PSMD12: variants seen among roughly 807,000 people sequenced by gnomAD.
PSMD12 encodes the protein proteasome 26S subunit, non-ATPase 12, also known as 26S proteasome non-ATPase regulatory subunit 12.
PSMD12 carries 8 observed loss-of-function variants against 62.9 expected under a neutral mutation model. That is an observed-to-expected ratio of 0.13 (90% confidence interval 0.07 to 0.23). The LOEUF (loss-of-function observed/expected upper bound fraction) is 0.23. Ranked by LOEUF, PSMD12 falls within the 10% of genes least tolerant of loss-of-function variation. PSMD12 has a pLI of 1.00. For missense variants in PSMD12, 424 were observed against 550.2 expected (o/e 0.77, Z 2.29); for synonymous variants, 173 against 187.4 (o/e 0.92, Z 0.63).
chr17:67,356,557 CAAAAAAAAAAAAAAA>C (rs35353017), intron 3 of PSMD12, among the ~76,000 whole-genome samples: 91 of 15,000 alleles, frequency 6.1e-3, no homozygotes, highest in African/African-American at 0.011. Flanking sequence ...GACTCCGTCT[CAAAAAAAAAAAAAAA>C]AAAAAAAAAA....
intron 3 of PSMD12, among the ~76,000 whole-genome samples, chr17:67,352,491 G>T (rs1461852018): frequency 6.6e-6 from 1 of 152,088 alleles, no homozygotes; most frequent in Non-Finnish European, 1.5e-5. Context: ...CAAAACATAG[G>T]ATGCCTGTAA....
chr17:67,348,284 A>G (rs1447637771), intron 5 of PSMD12, among the ~76,000 whole-genome samples: 1 of 152,194 alleles, frequency 6.6e-6, no homozygotes, highest in Non-Finnish European at 1.5e-5. Context: ...CCCACCAGCA[A>G]TGAGTATTTT....
intron 4 of PSMD12, 62 bp downstream of exon 4, chr17:67,350,167 G>A (rs2042004101): frequency 9.7e-7 from 1 of 1,026,630 alleles, no homozygotes; most frequent in Non-Finnish European, 1.4e-6. Flanking sequence ...CATACATTAA[G>A]TATCTCTGAA....
intron 1 of PSMD12, among the ~76,000 whole-genome samples, chr17:67,363,641 GC>G (rs1292126412): frequency 3.3e-5 from 5 of 152,072 alleles, no homozygotes; most frequent in Middle Eastern, 3.2e-3. Flanking sequence ...AGTTTGATGG[GC>G]TCAAAATAAA....
At chr17:67,359,099 T>A (rs779001164) in intron 1 of PSMD12, among the ~76,000 whole-genome samples, 5 of 152,148 alleles carry the variant, frequency 3.3e-5, no homozygotes, top group Non-Finnish European at 7.4e-5. Context: ...TCACGCACTG[T>A]AATCCCAGCA....
Position 67,350,335 on chromosome 17 carries a change from G to C in PSMD12, c.299C>G (p.Ala100Gly). 6.3e-7 allele frequency: 1 copy of C among 1,588,090 alleles called. No individual in the cohort carries two copies. The highest frequency in any genetic ancestry group is 8.6e-7 in the Non-Finnish European group (1 of 1,168,742). The change falls in exon 4 of 11, where the codon GCT (alanine) becomes GGT (glycine). Residue 100 changes from alanine to glycine, a missense_variant and splice_region_variant. By Grantham distance (60) the Ala-to-Gly change is moderately conservative (BLOSUM62 0). Coordinates refer to ENST00000356126, the MANE Select transcript of PSMD12 (RefSeq NM_002816.5). ...GCACTGTTGAACCATTTTGGCAACA[G>C]CCTAAAATATTAAAAACCATTCATA... is the stretch of plus-strand genomic sequence containing the variant. ...LSKRRSQLKQ[A>G]VAKMVQQCCT... is the part of the protein sequence containing the mutation.
At chr17:67,350,939 G>A (rs775739423) in intron 3 of PSMD12, among the ~76,000 whole-genome samples, 1 of 152,174 alleles carries the variant, frequency 6.6e-6, no homozygotes, top group African/African-American at 2.4e-5. Flanking sequence ...GCCAGTCTCT[G>A]TGGCAACTAT....
At chr17:67,358,123 A>T (rs1021644779) in intron 1 of PSMD12, among the ~76,000 whole-genome samples, 3 of 152,046 alleles carry the variant, frequency 2.0e-5, no homozygotes, top group Non-Finnish European at 2.9e-5. Flanking sequence ...GGCTTTCACC[A>T]TGTTGGCCAG....
At chr17:67,366,296 C>T in intron 1 of PSMD12, 116 bp downstream of exon 1, 1 of 1,006,296 alleles carries the variant, frequency 9.9e-7, no homozygotes, top group South Asian at 1.5e-5. Context: ...CCAACTAGGG[C>T]TGGACAGGCA....
intron 9 of PSMD12, among the ~76,000 whole-genome samples, chr17:67,342,838 A>AT (rs1555639626): frequency 6.6e-6 from 1 of 150,780 alleles, no homozygotes; most frequent in Non-Finnish European, 1.5e-5. Flanking sequence ...TAGGAAGCTG[A>AT]GGGGGGAGAA....
At position 67,340,900 on chromosome 17, in the gene PSMD12, C is replaced by T. The variant is rs370118991; in HGVS notation, c.1314G>A (p.Leu438=). ...WSQKLNSLMS[L]VNKTTHLIAK... is the part of the protein sequence containing the mutation. ...CTATGAGATGCGTAGTTTTGTTAAC[C>T]AGAGACATTAATGAGTTCAGTTTCT... is the stretch of plus-strand genomic sequence containing the variant. The change falls in exon 11 of 11, where the codon CTG becomes CTA. Residue 438 remains leucine (L), a synonymous_variant. Transcript: ENST00000356126. 1 of 1,594,556 alleles carries T rather than the reference C, an allele frequency of 6.3e-7. No individual in the cohort carries two copies.
At position 67,339,041 on chromosome 17, in the gene PSMD12, C is replaced by T. The variant is rs972576192; in HGVS notation, c.*1802G>A. On this transcript the variant is annotated 3_prime_UTR_variant, in exon 11 of 11. Coordinates refer to ENST00000356126, the MANE Select transcript of PSMD12 (RefSeq NM_002816.5). ...ACAATACACAATTTTATCTTCTATC[C>T]TTTTCATTCAAAGGAAAATTAAAAC... The T allele has an allele frequency of 6.6e-6, 1 of 151,998 alleles. No homozygotes were observed. Among genetic ancestry groups the T allele is most frequent in the Non-Finnish European group, 1.5e-5 (1 of 68,016 alleles). The allele number at this position is 151,998 out of a possible 1,614,324, so 9.4% of individuals were successfully genotyped here.
At chr17:67,342,305 T>A in intron 9 of PSMD12, 42 bp from the exon 10 acceptor site, 4 of 1,300,216 alleles carry the variant, frequency 3.1e-6, no homozygotes, top group Non-Finnish European at 4.4e-6. Context: ...GTAACATTTG[T>A]CAGTAAGTCT....
intron 1 of PSMD12, among the ~76,000 whole-genome samples, chr17:67,364,718 T>C: frequency 6.6e-6 from 1 of 152,230 alleles, no homozygotes; most frequent in East Asian, 1.9e-4. Flanking sequence ...TATTTTAATA[T>C]GACAGATTAG....
At chr17:67,346,630 G>A (rs1488851613) in intron 7 of PSMD12, among the ~76,000 whole-genome samples, 1 of 152,106 alleles carries the variant, frequency 6.6e-6, no homozygotes, top group Non-Finnish European at 1.5e-5. Context: ...TTGCAAGGCT[G>A]CCTTTTCATA....
Position 67,348,711 on chromosome 17 carries a change from AAGT to A in PSMD12, c.406-60_406-58del. On this transcript the variant is annotated intron_variant, in intron 4 of 10. Transcript: ENST00000356126. ...CCATGGAAACGTGTTAAAATTTAAA[AAGT>A]AGGCTGGGTATGTTGGCTCACACCT... 3 of 1,503,926 alleles carry A rather than the reference AAGT, an allele frequency of 2.0e-6. No individual in the cohort carries two copies. The South Asian group carries it at 3.4e-5, about 17-fold the overall frequency. 93.2% of individuals were successfully genotyped at this position (1,503,926 alleles called of 1,614,324 possible). A position where few individuals can be genotyped will look rare whatever the true frequency, so the allele number is the denominator to read the frequency against.
rs149145159 is a variant in PSMD12, at chr17:67,363,254, C to T, written c.108+3158G>A. ...GCAACCTCGAACTACTGCGCTCAAG[C>T]GATCCTCCTGCCTCAGCCTCCAGAG... On this transcript the variant is annotated intron_variant, in intron 1 of 10. Coordinates refer to ENST00000356126, the MANE Select transcript of PSMD12 (RefSeq NM_002816.5). 2.0e-3 allele frequency among the ~76,000 whole-genome samples: 310 copies of T among 152,204 alleles called. 2 individuals are homozygous for T. Among genetic ancestry groups the T allele is most frequent in the African/African-American group, 7.0e-3 (291 of 41,514 alleles).
intron 9 of PSMD12, among the ~76,000 whole-genome samples, chr17:67,343,297 T>C (rs2041932715): frequency 6.6e-6 from 1 of 152,210 alleles, no homozygotes; most frequent in Admixed American, 6.5e-5. Flanking sequence ...TTAAGTCTAA[T>C]CAATGGCTGC....
chr17:67,348,631 C>G lies in PSMD12; in HGVS notation c.429G>C (p.Ala143=), dbSNP rs200505374. The G allele has an allele frequency of 6.2e-7, 1 of 1,612,090 alleles. No individual in the cohort carries two copies. The highest frequency in any genetic ancestry group is 8.5e-7 in the Non-Finnish European group (1 of 1,179,662). ...TAGTTGCTAATGTTTTAGTCAGTCG[C>G]GCACGCTCAATTTCAACATAAATCT... is the stretch of plus-strand genomic sequence containing the variant. The part of the protein sequence containing the change: ...EGKIYVEIER[A]RLTKTLATIK... The change falls in exon 5 of 11, where the codon GCG becomes GCC. Residue 143 remains alanine (A), a synonymous_variant. Transcript: ENST00000356126.
Sources: gnomAD v4.1 joint callset for allele counts (sites outside exome capture counted in the v4.1 genomes callset) on GRCh38, gnomAD v4.1.1 for gene constraint, MANE v1.5 for transcripts, NCBI Gene and HGNC (gene_info 2026-07-23, HGNC 2026-07-21) for gene names.